The following PID1 variants were observed in gnomAD, a reference collection of about 807,000 sequenced individuals.
PID1 encodes the protein PTB-containing, cubilin and LRP1-interacting protein.
Under a neutral mutation model 19.1 loss-of-function variants are expected in PID1, and 10 were observed. That is an observed-to-expected ratio of 0.52 (90% CI 0.32 to 0.89). PID1 has a LOEUF of 0.89. Among genes scored for constraint, PID1 ranks in the 40% least tolerant of loss-of-function variants. The pLI, the probability that PID1 is intolerant of heterozygous loss-of-function variation, is 0.03. For synonymous variants in PID1, 130 were observed against 116.0 expected (o/e 1.12, Z -0.78); for missense variants, 248 against 285.3 (o/e 0.87, Z 0.94).
At chr2:229,262,747 G>C in intron 1 of PID1, 1 of 1,551,598 alleles carries the variant, frequency 6.4e-7, no homozygotes. Flanking sequence ...CAAAAGCTCT[G>C]GAGAAGAACA....
At chr2:229,139,047 A>AGCAAGCAAGCG (rs1559251473) in intron 2 of PID1, among the ~76,000 whole-genome samples, 1 of 75,992 alleles carries the variant, frequency 1.3e-5, no homozygotes, top group Non-Finnish European at 3.0e-5. Flanking sequence ...AAGAGAAAGA[A>AGCAAGCAAGCG]AGAAAGAAAG....
At chr2:229,255,119 A>G (rs1690258243) in intron 1 of PID1, among the ~76,000 whole-genome samples, 1 of 152,224 alleles carries the variant, frequency 6.6e-6, no homozygotes, top group Non-Finnish European at 1.5e-5. Flanking sequence ...TCTCAAGTCT[A>G]TAATAGCCTC....
chr2:229,140,864 C>T (rs1420457663), intron 2 of PID1, among the ~76,000 whole-genome samples: 1 of 151,936 alleles, frequency 6.6e-6, no homozygotes, highest in African/African-American at 2.4e-5. Context: ...TGTATTAATA[C>T]ATTTATAATT....
chr2:229,047,247 G>A (rs1322292117), intron 2 of PID1, among the ~76,000 whole-genome samples: 1 of 152,104 alleles, frequency 6.6e-6, no homozygotes, highest in Non-Finnish European at 1.5e-5. Context: ...AATCAACCCT[G>A]GAAAGGGCTC....
chr2:229,098,777 T>C (rs918888903), intron 2 of PID1, among the ~76,000 whole-genome samples: 2 of 152,186 alleles, frequency 1.3e-5, no homozygotes, highest in African/African-American at 4.8e-5. Context: ...CGCTAGCTAT[T>C]TGCACCACAG....
chr2:229,164,641 C>T (rs967399083), intron 1 of PID1, among the ~76,000 whole-genome samples: 1 of 152,116 alleles, frequency 6.6e-6, no homozygotes, highest in Non-Finnish European at 1.5e-5. Context: ...CTTAAAACAA[C>T]CAGAAGTTAA....
intron 2 of PID1, among the ~76,000 whole-genome samples, chr2:229,084,826 G>T (rs1418703300): frequency 1.3e-5 from 2 of 151,678 alleles, no homozygotes; most frequent in Non-Finnish European, 2.9e-5. Context: ...CTTGAGAAAA[G>T]CACACATTTC....
chr2:229,130,465 A>T (rs929626001), intron 2 of PID1, among the ~76,000 whole-genome samples: 5 of 152,254 alleles, frequency 3.3e-5, no homozygotes, highest in African/African-American at 1.2e-4. Context: ...ATTATTTTTT[A>T]AAACTACCAC....
At chr2:229,047,734 C>T (rs1272082207) in intron 2 of PID1, among the ~76,000 whole-genome samples, 1 of 152,166 alleles carries the variant, frequency 6.6e-6, no homozygotes, top group Non-Finnish European at 1.5e-5. Context: ...GAGGTTAAGT[C>T]ATTTGTCCGG....
At chr2:229,079,260 C>T (rs1011326951) in intron 2 of PID1, among the ~76,000 whole-genome samples, 10 of 152,156 alleles carry the variant, frequency 6.6e-5, no homozygotes, top group African/African-American at 2.2e-4. Context: ...TTGGGACCTC[C>T]TTTATTTGCC....
intron 1 of PID1, among the ~76,000 whole-genome samples, chr2:229,254,080 G>C (rs184711779): frequency 6.6e-6 from 1 of 152,044 alleles, no homozygotes; most frequent in Non-Finnish European, 1.5e-5. Flanking sequence ...TCCAACTCCC[G>C]GGAGAAAGTG....
intron 1 of PID1, among the ~76,000 whole-genome samples, chr2:229,227,791 G>C (rs913164318): frequency 2.0e-5 from 3 of 152,124 alleles, no homozygotes; most frequent in Non-Finnish European, 2.9e-5. Flanking sequence ...CACGTGTACT[G>C]AACAGGTACA....
In PID1 at chr2:229,214,682, T is replaced by C. The variant is rs186957911; in HGVS notation, c.30+56332A>G. Among the ~76,000 whole-genome samples the C allele has an allele frequency of 1.2e-4, 19 of 152,278 alleles. No homozygotes were observed. The East Asian group carries it at 3.5e-3, about 28-fold the overall frequency. On this transcript the variant is annotated intron_variant, in intron 1 of 2. Transcript: ENST00000392055. The stretch of plus-strand genomic sequence containing the variant: ...AGAACATATAATGAAATACAAAAGA[T>C]TGATCTTTATGCCCTGAATATCAAT...
chr2:229,210,187 T>C (rs1188924301), intron 1 of PID1, among the ~76,000 whole-genome samples: 1 of 150,182 alleles, frequency 6.7e-6, no homozygotes, highest in Non-Finnish European at 1.5e-5. Context: ...GAGGATCCAT[T>C]CCAAACAGGA....
rs149504156 is a variant in PID1 at position 229,058,790 on chromosome 2, T to C, written c.178-32682A>G. ...TCAGAATCTATTTTTTCCCTACCAC[T>C]GATTGTAACATGTCCTTGAGGTATA... On this transcript the variant is annotated intron_variant, in intron 2 of 2. Transcript: ENST00000392055. Among the ~76,000 whole-genome samples the C allele has an allele frequency of 4.8e-4, 72 of 148,890 alleles. No homozygotes were observed. The East Asian group carries it at 0.012, about 24-fold the overall frequency.
intron 1 of PID1, among the ~76,000 whole-genome samples, chr2:229,188,522 G>A (rs1418520937): frequency 6.6e-6 from 1 of 152,108 alleles, no homozygotes; most frequent in East Asian, 1.9e-4. Context: ...TGGATCACCT[G>A]AGGTCAGGAC....
chr2:229,198,146 T>C (rs892007058), intron 1 of PID1, among the ~76,000 whole-genome samples: 2 of 152,014 alleles, frequency 1.3e-5, no homozygotes, highest in Non-Finnish European at 2.9e-5. Context: ...CTGGAAACTA[T>C]ATAGAAAAAT....
chr2:229,268,734 G>A (rs1212909798), intron 1 of PID1, among the ~76,000 whole-genome samples: 1 of 152,118 alleles, frequency 6.6e-6, no homozygotes, highest in Non-Finnish European at 1.5e-5. Context: ...GATATCCACT[G>A]CTATCTCTGT....
rs140308892 is a variant in PID1 at position 229,257,274 on chromosome 2, A to G, written c.30+13740T>C. Reference sequence around the variant, plus strand: ...AACCACTGCATTCCATATCTTATAGATAATTATGGTGGAGCATTCATGTGC... The same window carrying G: ...AACCACTGCATTCCATATCTTATAGGTAATTATGGTGGAGCATTCATGTGC... On this transcript the variant is annotated intron_variant, in intron 1 of 2. Transcript: ENST00000392055. Among the ~76,000 whole-genome samples, 27 of 152,290 alleles carry G rather than the reference A, an allele frequency of 1.8e-4. No individual in the cohort carries two copies. The East Asian group carries it at 4.6e-3, about 26-fold the overall frequency.
Sources: allele counts gnomAD v4.1 joint callset (sites outside exome capture counted in the v4.1 genomes callset), GRCh38; gene constraint gnomAD v4.1.1; transcripts MANE v1.5; gene names NCBI Gene and HGNC (gene_info 2026-07-23, HGNC 2026-07-21).